Variants in FAF1 observed in about 807,000 individuals in gnomAD.
FAF1 encodes the protein FAS-associated factor 1.
A neutral mutation model predicts 92.5 loss-of-function variants in FAF1; 25 were observed. The ratio of observed to expected loss-of-function variants is 0.27; its 90% CI spans 0.20 to 0.38. The LOEUF (loss-of-function observed/expected upper bound fraction) is 0.38. Ranked by LOEUF, FAF1 falls within the 10% of genes least tolerant of loss-of-function variation. The probability of loss-of-function intolerance (pLI) is 1.00; values close to 1 mark genes in which losing one functional copy is unlikely to be tolerated. For missense variants in FAF1, 636 were observed against 793.3 expected (o/e 0.80, Z 2.38); for synonymous variants, 234 against 273.2 (o/e 0.86, Z 1.42).
At position 50,452,153 on chromosome 1, in the gene FAF1, C is replaced by A. The variant is rs374957053; in HGVS notation, c.1870-10630G>T. The stretch of plus-strand genomic sequence containing the variant: ...GAACATAAAATGAATATACAAAGAA[C>A]GAGAACAGGCATGTTTCCCCATCCT... On this transcript the variant is annotated intron_variant, in intron 18 of 18. Coordinates refer to ENST00000396153, the MANE Select transcript of FAF1 (RefSeq NM_007051.3). 315 of 1,348,584 alleles carry A rather than the reference C, an allele frequency of 2.3e-4. No individual in the cohort carries two copies. In the South Asian group the frequency reaches 3.0e-3, roughly 13 times the overall value. 83.5% of individuals were successfully genotyped at this position (1,348,584 alleles called of 1,614,324 possible).
intron 1 of FAF1, among the ~76,000 whole-genome samples, chr1:50,943,630 AAG>A (rs1183764228): frequency 1.3e-5 from 2 of 152,070 alleles, no homozygotes; most frequent in Non-Finnish European, 2.9e-5. Context: ...TCCCCTTATA[AAG>A]ATAATTCTTC....
At chr1:50,919,453 G>C (rs896947574) in intron 1 of FAF1, among the ~76,000 whole-genome samples, 21 of 150,460 alleles carry the variant, frequency 1.4e-4, no homozygotes, top group Admixed American at 4.0e-4. Flanking sequence ...TACATGAAAA[G>C]AATAAAATAA....
intron 8 of FAF1, among the ~76,000 whole-genome samples, chr1:50,625,234 T>C (rs764745420): frequency 1.9e-4 from 29 of 152,258 alleles, no homozygotes; most frequent in Admixed American, 2.6e-4. Context: ...ATACAGGGAA[T>C]CCACTACTAC....
At chr1:50,791,077 C>A (rs1018912171) in intron 3 of FAF1, among the ~76,000 whole-genome samples, 1 of 152,134 alleles carries the variant, frequency 6.6e-6, no homozygotes, top group African/African-American at 2.4e-5. Context: ...CTCAGATACT[C>A]CAGTAATCAC....
intron 8 of FAF1, among the ~76,000 whole-genome samples, chr1:50,609,871 A>G (rs1420703616): frequency 6.6e-6 from 1 of 152,086 alleles, no homozygotes; most frequent in Non-Finnish European, 1.5e-5. Flanking sequence ...TAAAGAGAAC[A>G]ACTTATGTTG....
chr1:50,852,539 T>A (rs1322590578), intron 2 of FAF1, among the ~76,000 whole-genome samples: 4 of 152,140 alleles, frequency 2.6e-5, no homozygotes, highest in Non-Finnish European at 5.9e-5. Flanking sequence ...TGATATTATT[T>A]ATAAGTGGTA....
At chr1:50,881,765 T>C (rs1473644848) in intron 1 of FAF1, among the ~76,000 whole-genome samples, 1 of 152,236 alleles carries the variant, frequency 6.6e-6, no homozygotes, top group South Asian at 2.1e-4. Flanking sequence ...TTGAATCTTA[T>C]TTCATCTACC....
chr1:50,542,119 GAC>G (rs1648786495), intron 13 of FAF1, among the ~76,000 whole-genome samples: 1 of 152,162 alleles, frequency 6.6e-6, no homozygotes, highest in South Asian at 2.1e-4. Flanking sequence ...ACAACCAGCT[GAC>G]ACTTTATGGT....
chr1:50,777,607 C>A (rs988557055), intron 4 of FAF1, among the ~76,000 whole-genome samples: 1 of 151,850 alleles, frequency 6.6e-6, no homozygotes, highest in Non-Finnish European at 1.5e-5. Context: ...ATCCTCAATG[C>A]AGCTAAGAAA....
At chr1:50,555,126 A>C (rs1348222205) in intron 13 of FAF1, among the ~76,000 whole-genome samples, 1 of 151,968 alleles carries the variant, frequency 6.6e-6, no homozygotes, top group Non-Finnish European at 1.5e-5. Context: ...AGGAGGCTGA[A>C]GTGAGAGGAT....
At chr1:50,628,956 A>G (rs1653631674) in intron 8 of FAF1, among the ~76,000 whole-genome samples, 1 of 152,326 alleles carries the variant, frequency 6.6e-6, no homozygotes, top group South Asian at 2.1e-4. Context: ...TCATATCAAT[A>G]TAATTCAGTT....
chr1:50,722,892 C>T (rs1658473408), intron 6 of FAF1, among the ~76,000 whole-genome samples: 1 of 152,164 alleles, frequency 6.6e-6, no homozygotes, highest in South Asian at 2.1e-4. Context: ...CAGTACCTCT[C>T]CTAGTCAAAA....
At chr1:50,561,848 C>T (rs139308966) in intron 13 of FAF1, among the ~76,000 whole-genome samples, 32 of 128,548 alleles carry the variant, frequency 2.5e-4, no homozygotes, top group Middle Eastern at 3.6e-3. Flanking sequence ...GACGGATGGA[C>T]GGAAGGAAGG....
intron 4 of FAF1, among the ~76,000 whole-genome samples, chr1:50,760,761 C>G (rs544722189): frequency 2.5e-4 from 38 of 152,216 alleles, no homozygotes; most frequent in African/African-American, 8.4e-4. Context: ...GACACCCTAA[C>G]ATCACAATTA....
intron 15 of FAF1, among the ~76,000 whole-genome samples, chr1:50,519,347 T>TGAAGGAAGGAAG (rs1272209244): frequency 9.5e-6 from 1 of 105,252 alleles, no homozygotes; most frequent in African/African-American, 3.9e-5. Flanking sequence ...AAGGAAGGAA[T>TGAAGGAAGGAAG]GAAGGAAGGA....
intron 4 of FAF1, among the ~76,000 whole-genome samples, chr1:50,753,757 CTT>C (rs58567132): frequency 0.097 from 12,649 of 130,154 alleles, 423 homozygotes; most frequent in African/African-American, 0.13. Flanking sequence ...ATTATCTGTT[CTT>C]TTTTTTTTTT....
chr1:50,460,219 C>G (rs952067886), intron 18 of FAF1, among the ~76,000 whole-genome samples: 2 of 152,204 alleles, frequency 1.3e-5, no homozygotes, highest in Non-Finnish European at 2.9e-5. Flanking sequence ...GTATGCAATT[C>G]CCCAAACATA....
At chr1:50,770,058 C>A (rs1427770318) in intron 4 of FAF1, among the ~76,000 whole-genome samples, 5 of 151,958 alleles carry the variant, frequency 3.3e-5, no homozygotes, top group Admixed American at 2.0e-4. Context: ...ATTAAAAAAA[C>A]AAACAAAAAA....
rs41292699 is a variant in FAF1, at chr1:50,655,572, A to G, written c.658-44T>C. Reference sequence around the variant, plus strand: ...AGGACAATTAAAATAGAATTTTCACATGACTTACAGTTTCCAATCAATTTA... The same window carrying G: ...AGGACAATTAAAATAGAATTTTCACGTGACTTACAGTTTCCAATCAATTTA... On this transcript the variant is annotated intron_variant, in intron 7 of 18. Transcript: ENST00000396153. The G allele has an allele frequency of 5.5e-3, 6,717 of 1,227,420 alleles. 33 individuals are homozygous for G. The highest frequency in any genetic ancestry group is 6.4e-3 in the Non-Finnish European group (5,318 of 835,936). The allele number at this position is 1,227,420 out of a possible 1,614,324, so 76.0% of individuals were successfully genotyped here. A position where few individuals can be genotyped will look rare whatever the true frequency, so the allele number is the denominator to read the frequency against.
Sources: allele counts gnomAD v4.1 joint callset (sites outside exome capture counted in the v4.1 genomes callset), GRCh38; gene constraint gnomAD v4.1.1; transcripts MANE v1.5; gene names NCBI Gene and HGNC (gene_info 2026-07-23, HGNC 2026-07-21).